Variants in ASIC2 observed in about 807,000 individuals in gnomAD.
The protein encoded by ASIC2 is acid-sensing ion channel 2.
ASIC2 carries 25 observed loss-of-function variants against 57.3 expected under a neutral mutation model. That is an observed-to-expected ratio of 0.44 (90% CI 0.32 to 0.61). ASIC2 has a LOEUF of 0.61. Ranked by LOEUF, ASIC2 falls within the 20% of genes least tolerant of loss-of-function variation. The pLI is 0.06. For synonymous variants in ASIC2, 319 were observed against 307.5 expected (o/e 1.04, Z -0.39); for missense variants, 641 against 738.1 (o/e 0.87, Z 1.52).
intron 1 of ASIC2, among the ~76,000 whole-genome samples, chr17:33,944,485 TAAG>T (rs954282784): frequency 5.0e-4 from 76 of 152,138 alleles, no homozygotes; most frequent in African/African-American, 1.8e-3. Context: ...CAGATAAAAG[TAAG>T]AAGAAGTGGG....
chr17:33,174,584 G>C (rs528112193), intron 1 of ASIC2, among the ~76,000 whole-genome samples: 175 of 152,242 alleles, frequency 1.1e-3, no homozygotes, highest in Non-Finnish European at 1.9e-3. Flanking sequence ...GTGGGGGCGC[G>C]ATGGGCTTGC....
intron 1 of ASIC2, among the ~76,000 whole-genome samples, chr17:33,802,713 A>G (rs1274569814): frequency 6.6e-6 from 1 of 152,266 alleles, no homozygotes; most frequent in African/African-American, 2.4e-5. Context: ...AAGGAGGAAC[A>G]AAAAGAACAG....
intron 1 of ASIC2, among the ~76,000 whole-genome samples, chr17:33,610,012 G>T (rs369291540): frequency 2.6e-5 from 4 of 150,994 alleles, no homozygotes; most frequent in Admixed American, 2.6e-4. Context: ...GATGGAGCTT[G>T]TGCACCCACC....
intron 1 of ASIC2, among the ~76,000 whole-genome samples, chr17:34,064,208 C>A (rs933051967): frequency 6.6e-6 from 1 of 152,008 alleles, no homozygotes; most frequent in Non-Finnish European, 1.5e-5. Context: ...AATAGAGAAC[C>A]CAGAAATAAA....
At chr17:33,025,204 G>A (rs1353000771) in intron 5 of ASIC2, among the ~76,000 whole-genome samples, 1 of 152,176 alleles carries the variant, frequency 6.6e-6, no homozygotes, top group Non-Finnish European at 1.5e-5. Flanking sequence ...AAGTCTGCTT[G>A]TCTTGATTAT....
chr17:33,161,688 T>C (rs1905163574), intron 1 of ASIC2, among the ~76,000 whole-genome samples: 1 of 152,132 alleles, frequency 6.6e-6, no homozygotes, highest in Non-Finnish European at 1.5e-5. Flanking sequence ...ACATAGTATG[T>C]GTTCAACAAA....
intron 1 of ASIC2, among the ~76,000 whole-genome samples, chr17:33,644,342 TAC>T (rs1298966959): frequency 6.6e-6 from 1 of 152,242 alleles, no homozygotes; most frequent in Non-Finnish European, 1.5e-5. Context: ...TGATCAGCTC[TAC>T]ACAGTTTCAC....
chr17:33,309,993 G>C (rs893234920), intron 1 of ASIC2, among the ~76,000 whole-genome samples: 4 of 149,022 alleles, frequency 2.7e-5, no homozygotes, highest in Non-Finnish European at 5.9e-5. Context: ...GTCAAAAATG[G>C]TTTCAAAGTT....
Position 33,164,552 on chromosome 17 carries a change from C to G in ASIC2, c.709-52485G>C, listed in dbSNP as rs117316076. Among the ~76,000 whole-genome samples, 789 of 149,338 alleles carry G rather than the reference C, an allele frequency of 5.3e-3. 3 individuals are homozygous for G. The highest frequency in any genetic ancestry group is 7.7e-3 in the Non-Finnish European group (521 of 67,602). Reference sequence around the variant, plus strand: ...GAGAGCTCACCAGGCTCTCTGGAAACAGCTGTCCCAAAAGCACATGCACGC... The same window carrying G: ...GAGAGCTCACCAGGCTCTCTGGAAAGAGCTGTCCCAAAAGCACATGCACGC... On this transcript the variant is annotated intron_variant, in intron 1 of 9. Coordinates refer to ENST00000225823, the MANE Select transcript of ASIC2 (RefSeq NM_183377.2).
chr17:33,801,901 G>A (rs138637607), intron 1 of ASIC2, among the ~76,000 whole-genome samples: 1 of 152,084 alleles, frequency 6.6e-6, no homozygotes, highest in African/African-American at 2.4e-5. Flanking sequence ...TTCCATCATC[G>A]CAGAGTGTAG....
intron 3 of ASIC2, among the ~76,000 whole-genome samples, chr17:33,045,948 A>T (rs2091952582): frequency 6.6e-6 from 1 of 152,222 alleles, no homozygotes; most frequent in Non-Finnish European, 1.5e-5. Context: ...TGCCGGGTAC[A>T]GCTATGCAGA....
At chr17:33,857,941 T>G (rs1914006284) in intron 1 of ASIC2, among the ~76,000 whole-genome samples, 1 of 152,240 alleles carries the variant, frequency 6.6e-6, no homozygotes, top group East Asian at 1.9e-4. Context: ...CTGTTCACAG[T>G]CAGCATCTTC....
chr17:33,091,153 C>T (rs2092156050), intron 2 of ASIC2, among the ~76,000 whole-genome samples: 1 of 152,262 alleles, frequency 6.6e-6, no homozygotes, highest in Admixed American at 6.5e-5. Context: ...TCAGGTGGAA[C>T]CTCAAGGAAG....
intron 1 of ASIC2, among the ~76,000 whole-genome samples, chr17:33,630,389 A>G (rs1198406134): frequency 6.6e-6 from 1 of 152,140 alleles, no homozygotes; most frequent in Non-Finnish European, 1.5e-5. Context: ...TTCACGAACC[A>G]GTCTGCACAT....
At chr17:33,139,444 C>T (rs932836983) in intron 1 of ASIC2, among the ~76,000 whole-genome samples, 3 of 152,206 alleles carry the variant, frequency 2.0e-5, no homozygotes, top group Non-Finnish European at 2.9e-5. Context: ...ATATGATCCC[C>T]TTTTTGCTTA....
chr17:33,960,850 C>T (rs1043838687), intron 1 of ASIC2, among the ~76,000 whole-genome samples: 1 of 152,190 alleles, frequency 6.6e-6, no homozygotes, highest in African/African-American at 2.4e-5. Flanking sequence ...TCAATGCCTG[C>T]CCCTATCCCA....
intron 1 of ASIC2, among the ~76,000 whole-genome samples, chr17:33,875,287 G>A (rs2141934892): frequency 6.6e-6 from 1 of 152,292 alleles, no homozygotes; most frequent in South Asian, 2.1e-4. Context: ...GTTAAAAATA[G>A]AAGTCCCCCT....
intron 9 of ASIC2, 71 bp from the exon 10 acceptor site, chr17:33,014,137 C>G: frequency 8.1e-7 from 1 of 1,235,482 alleles, no homozygotes. Context: ...ACCAGCGGCC[C>G]AGCCTAGGCC....
intron 1 of ASIC2, among the ~76,000 whole-genome samples, chr17:33,352,291 GC>G (rs750329152): frequency 1.2e-4 from 18 of 152,188 alleles, no homozygotes; most frequent in Non-Finnish European, 1.9e-4. Context: ...TTGGTGACTA[GC>G]CCTGTTCTCT....
Sources: gnomAD v4.1 joint callset for allele counts (sites outside exome capture counted in the v4.1 genomes callset) on GRCh38, gnomAD v4.1.1 for gene constraint, MANE v1.5 for transcripts, NCBI Gene and HGNC (gene_info 2026-07-23, HGNC 2026-07-21) for gene names.